The following NF1 variants were observed in gnomAD, a reference collection of about 807,000 sequenced individuals.
NF1 encodes the protein neurofibromin.
NF1 carries 122 observed loss-of-function variants against 325.7 expected under a neutral mutation model. The ratio of observed to expected loss-of-function variants is 0.37; its 90% CI spans 0.32 to 0.44. NF1 has a LOEUF of 0.44. NF1 is among the 20% of genes least tolerant of loss of function. The pLI, the probability that NF1 is intolerant of heterozygous loss-of-function variation, is 1.00. For missense variants in NF1, 2,140 were observed against 3,415.4 expected (o/e 0.63, Z 9.31); for synonymous variants, 1,091 against 1,186.0 (o/e 0.92, Z 1.65).
intron 1 of NF1, among the ~76,000 whole-genome samples, chr17:31,103,722 C>T (rs983458151): frequency 6.6e-6 from 1 of 151,936 alleles, no homozygotes; most frequent in South Asian, 2.1e-4. Flanking sequence ...ATAATTCAAG[C>T]TTTTTGGGGG....
chr17:31,352,327 A>G lies in NF1; in HGVS notation c.7528A>G (p.Thr2510Ala), dbSNP rs145794301. Residue 2510 changes from threonine (T) to alanine (A), a missense_variant, in exon 51 of 58, where the codon ACT becomes GCT. Transcript: ENST00000358273. ...SEGYLAATYP[T>A]VGQTSPRARK... Reference sequence around the variant, plus strand: ...AGGATACCTTGCAGCCACCTATCCAACTGTCGGCCAGACCAGTCCCCGAGC... The same window carrying G: ...AGGATACCTTGCAGCCACCTATCCAGCTGTCGGCCAGACCAGTCCCCGAGC... The G allele has an allele frequency of 6.8e-6, 11 of 1,613,914 alleles. No homozygotes were observed. The African/African-American group carries it at 9.4e-5, about 14-fold the overall frequency.
intron 36 of NF1, chr17:31,304,846 T>C (rs1410250564): frequency 6.2e-7 from 1 of 1,614,088 alleles, no homozygotes; most frequent in Non-Finnish European, 8.5e-7. Context: ...TCTGATGTTA[T>C]CCATACAAAT....
intron 36 of NF1, among the ~76,000 whole-genome samples, chr17:31,277,721 C>A (rs1289326397): frequency 6.6e-6 from 1 of 152,170 alleles, no homozygotes; most frequent in Admixed American, 6.5e-5. Flanking sequence ...TCCCAGTGGG[C>A]TGGCTACATC....
intron 1 of NF1, among the ~76,000 whole-genome samples, chr17:31,122,298 G>A (rs529472787): frequency 9.9e-5 from 15 of 152,248 alleles, no homozygotes; most frequent in African/African-American, 3.4e-4. Context: ...GAGGAAAGGA[G>A]GAGATTTAAG....
chr17:31,187,085 A>C (rs1387535318), intron 8 of NF1, among the ~76,000 whole-genome samples: 1 of 152,160 alleles, frequency 6.6e-6, no homozygotes, highest in Non-Finnish European at 1.5e-5. Flanking sequence ...GCATGGGCTC[A>C]CCAAAGGCCT....
chr17:31,190,448 A>G (rs1013189844), intron 8 of NF1, among the ~76,000 whole-genome samples: 3 of 152,124 alleles, frequency 2.0e-5, no homozygotes, highest in Admixed American at 2.0e-4. Context: ...TTTTATGCAC[A>G]TTACTCTGCA....
chr17:31,293,034 C>T (rs532933298), intron 36 of NF1, among the ~76,000 whole-genome samples: 26 of 151,660 alleles, frequency 1.7e-4, no homozygotes, highest in Admixed American at 1.2e-3. Context: ...AAAAATTAGT[C>T]GAGCGTGGTG....
chr17:31,318,018 C>T (rs769578133), intron 36 of NF1: 10 of 332,734 alleles, frequency 3.0e-5, no homozygotes, highest in Non-Finnish European at 4.9e-5. Context: ...TTTAATTATC[C>T]CTTGCTATCT....
intron 36 of NF1, among the ~76,000 whole-genome samples, chr17:31,293,518 T>A (rs1567878133): frequency 6.6e-6 from 1 of 152,206 alleles, no homozygotes; most frequent in Non-Finnish European, 1.5e-5. Flanking sequence ...AAGATGACTG[T>A]TTTGTTGAAG....
chr17:31,127,962 CTGTTT>C (rs1555600533), intron 1 of NF1, among the ~76,000 whole-genome samples: 2 of 151,140 alleles, frequency 1.3e-5, no homozygotes, highest in Non-Finnish European at 3.0e-5. Flanking sequence ...CCTTGCACTT[CTGTTT>C]TGTTTTGTTT....
intron 36 of NF1, chr17:31,303,782 C>G (rs1567883245): frequency 1.3e-5 from 2 of 152,456 alleles, no homozygotes; most frequent in African/African-American, 2.4e-5. Context: ...TATTCTCAAA[C>G]ATGCATTTTA....
At chr17:31,285,189 A>C (rs964597781) in intron 36 of NF1, among the ~76,000 whole-genome samples, 9 of 151,146 alleles carry the variant, frequency 6.0e-5, no homozygotes, top group African/African-American at 2.2e-4. Context: ...AGACAGGAGA[A>C]TTGCTTGAAC....
intron 36 of NF1, among the ~76,000 whole-genome samples, chr17:31,307,234 C>T (rs907846736): frequency 6.6e-6 from 1 of 151,620 alleles, no homozygotes; most frequent in African/African-American, 2.4e-5. Flanking sequence ...GTTGGCCAGG[C>T]TGCTCGAGAA....
rs1283545255 is a variant in NF1, at chr17:31,376,783, T to G, written c.*2628T>G. ...GAGGAAACCAGGAACTCAGTCATGTTTTTGTCCTGGATAATCTACCTGTTA... is the reference window on the plus strand; with the variant it reads ...GAGGAAACCAGGAACTCAGTCATGTGTTTGTCCTGGATAATCTACCTGTTA... On this transcript the variant is annotated 3_prime_UTR_variant, in exon 58 of 58. Transcript: ENST00000358273. The G allele has an allele frequency of 4.3e-6, 1 of 233,150 alleles. No individual in the cohort carries two copies. The highest frequency in any genetic ancestry group is 8.5e-6 in the Non-Finnish European group (1 of 118,014). 14.4% of individuals were successfully genotyped at this position (233,150 alleles called of 1,614,324 possible). A position where few individuals can be genotyped will look rare whatever the true frequency, so the allele number is the denominator to read the frequency against.
chr17:31,276,357 C>G (rs1378226311), intron 36 of NF1, among the ~76,000 whole-genome samples: 4 of 151,982 alleles, frequency 2.6e-5, no homozygotes, highest in Non-Finnish European at 5.9e-5. Context: ...TTCACATTAG[C>G]ATAAATTTGG....
At chr17:31,360,947 T>G (rs2070382824) in intron 57 of NF1, 1 of 545,400 alleles carries the variant, frequency 1.8e-6, no homozygotes, top group Non-Finnish European at 3.3e-6. Flanking sequence ...GGTTGACAAG[T>G]TTGTAGAGTT....
chr17:31,271,865 C>G (rs753835363), intron 36 of NF1: 1 of 151,868 alleles, frequency 6.6e-6, no homozygotes, highest in Non-Finnish European at 1.5e-5. Flanking sequence ...GTTGCTCACT[C>G]GCTCTCTCAC....
intron 1 of NF1, among the ~76,000 whole-genome samples, chr17:31,127,238 C>G (rs1406463458): frequency 3.3e-5 from 5 of 152,024 alleles, no homozygotes; most frequent in African/African-American, 1.2e-4. Context: ...CCCCAAAAGA[C>G]TTATAATAAT....
At chr17:31,340,713 C>G (rs2151562309) in intron 47 of NF1, 68 bp downstream of exon 47, 1 of 1,514,460 alleles carries the variant, frequency 6.6e-7, no homozygotes, top group South Asian at 1.1e-5. Flanking sequence ...TTTCTTGTTG[C>G]TATTCTTTTA....
Sources: gnomAD v4.1 joint callset for allele counts (sites outside exome capture counted in the v4.1 genomes callset) on GRCh38, gnomAD v4.1.1 for gene constraint, MANE v1.5 for transcripts, NCBI Gene and HGNC (gene_info 2026-07-23, HGNC 2026-07-21) for gene names.